Variants in TMEM131L observed in about 807,000 individuals in gnomAD.
TMEM131L encodes the protein transmembrane 131 like, also known as transmembrane protein 131-like.
In TMEM131L, 54 loss-of-function variants were observed where a neutral mutation model predicts 192.2. The observed-to-expected ratio is 0.28, with a 90% CI of 0.23 to 0.35. TMEM131L has a LOEUF of 0.35. TMEM131L is among the 10% of genes least tolerant of loss of function. TMEM131L has a pLI of 1.00. For missense variants in TMEM131L, 1,888 were observed against 1,972.9 expected, an observed-to-expected ratio of 0.96 and a Z score of 0.82; for synonymous variants, 701 against 704.9, an observed-to-expected ratio of 0.99 and a Z score of 0.09.
intron 3 of TMEM131L, among the ~76,000 whole-genome samples, chr4:153,532,328 A>G (rs1057332654): frequency 6.6e-5 from 10 of 151,770 alleles, no homozygotes; most frequent in Non-Finnish European, 1.5e-4. Context: ...TTGTATGGGT[A>G]CATGTGTGAG....
rs557397469 is a variant in TMEM131L at position 153,555,727 on chromosome 4, T to C, written c.309-60T>C. 7.1e-7 allele frequency: 1 copy of C among 1,407,528 alleles called. No homozygotes were observed. The highest frequency in any genetic ancestry group is 1.4e-5 in the African/African-American group (1 of 70,174). The allele number at this position is 1,407,528 out of a possible 1,614,324, so 87.2% of individuals were successfully genotyped here. ...GTATATATATAATAATACATATATA[T>C]GTATGGTAATATTTATAACCACACA... On this transcript the variant is annotated intron_variant, in intron 4 of 34. Coordinates refer to ENST00000409959, the MANE Select transcript of TMEM131L (RefSeq NM_001131007.2). The surrounding 1 kb of genome is among the most constrained non-coding windows in gnomAD (Gnocchi z 4.1).
At chr4:153,544,793 C>T (rs1485978597) in intron 3 of TMEM131L, among the ~76,000 whole-genome samples, 2 of 152,152 alleles carry the variant, frequency 1.3e-5, no homozygotes, top group Admixed American at 6.5e-5. Flanking sequence ...GGGTTTTGAT[C>T]GTGGGCATAT....
intron 4 of TMEM131L, 62 bp downstream of exon 4, chr4:153,550,203 T>G (rs763193069): frequency 5.6e-5 from 38 of 673,116 alleles, no homozygotes; most frequent in Non-Finnish European, 8.7e-5. Context: ...TTCAGAATTT[T>G]TTTTACATAT....
In TMEM131L at chr4:153,543,448, A is replaced by G. The variant is rs529512437; in HGVS notation, c.240-6625A>G. Among the ~76,000 whole-genome samples the G allele has an allele frequency of 2.6e-5, 4 of 152,336 alleles. No homozygotes were observed. In the Middle Eastern group the frequency reaches 0.014, roughly 518 times the overall value. On this transcript the variant is annotated intron_variant, in intron 3 of 34. Coordinates refer to ENST00000409959, the MANE Select transcript of TMEM131L (RefSeq NM_001131007.2). ...GTGTAACTCATTTAATAAATTGTGCAGCTTAGGCCATTTGTTTTTCAAGGA... is the reference window on the plus strand; with the variant it reads ...GTGTAACTCATTTAATAAATTGTGCGGCTTAGGCCATTTGTTTTTCAAGGA...
At chr4:153,598,516 A>C in intron 20 of TMEM131L, 74 bp from the exon 21 acceptor site, 2 of 1,213,576 alleles carry the variant, frequency 1.6e-6, no homozygotes, top group Non-Finnish European at 1.2e-6. Flanking sequence ...ATAACTGGGA[A>C]TATTTAAATT....
intron 26 of TMEM131L, among the ~76,000 whole-genome samples, chr4:153,617,209 T>A (rs1733033919): frequency 6.6e-6 from 1 of 152,200 alleles, no homozygotes; most frequent in Non-Finnish European, 1.5e-5. Context: ...CTCCCTTCTC[T>A]TGTCTGCTGC....
At chr4:153,566,144 T>A (rs1341046457) in intron 7 of TMEM131L, among the ~76,000 whole-genome samples, 1 of 152,020 alleles carries the variant, frequency 6.6e-6, no homozygotes, top group African/African-American at 2.4e-5. Context: ...AAACTTTTTT[T>A]TTTTTTTTGA....
chr4:153,575,576 C>T (rs1729877659), intron 7 of TMEM131L, among the ~76,000 whole-genome samples: 1 of 151,950 alleles, frequency 6.6e-6, no homozygotes, highest in South Asian at 2.1e-4. Flanking sequence ...TCTCTTAACC[C>T]CTCCAAGCCA....
In TMEM131L at chr4:153,555,646, G is replaced by A. The variant is rs766634268; in HGVS notation, c.309-141G>A. ...TGAATGCTTTATTACCAACACGATT[G>A]GATAATTTAACTTTGTGATGAACAG... On this transcript the variant is annotated intron_variant, in intron 4 of 34. Coordinates refer to ENST00000409959, the MANE Select transcript of TMEM131L (RefSeq NM_001131007.2). The surrounding 1 kb of genome is among the most constrained non-coding windows in gnomAD (Gnocchi z 4.1). 13 of 637,054 alleles carry A rather than the reference G, an allele frequency of 2.0e-5. No homozygotes were observed. The highest frequency in any genetic ancestry group is 6.1e-5 in the South Asian group (2 of 32,598). The allele number at this position is 637,054 out of a possible 1,614,324, so 39.5% of individuals were successfully genotyped here.
chr4:153,482,013 A>G (rs1731979859), intron 3 of TMEM131L, among the ~76,000 whole-genome samples: 1 of 151,840 alleles, frequency 6.6e-6, no homozygotes, highest in Non-Finnish European at 1.5e-5. Context: ...CGCCCAGCTA[A>G]TTTTTGTATT....
chr4:153,501,487 A>G (rs930375491), intron 3 of TMEM131L, among the ~76,000 whole-genome samples: 24 of 152,304 alleles, frequency 1.6e-4, no homozygotes, highest in African/African-American at 5.3e-4. Flanking sequence ...GGTATGGGCC[A>G]CTGTGCCCAG....
At chr4:153,483,214 G>A (rs1165715672) in intron 3 of TMEM131L, among the ~76,000 whole-genome samples, 2 of 152,224 alleles carry the variant, frequency 1.3e-5, no homozygotes, top group African/African-American at 4.8e-5. Context: ...TTTTAGACTA[G>A]AGATTGCCTT....
At chr4:153,562,404 T>A (rs1728907791) in intron 7 of TMEM131L, among the ~76,000 whole-genome samples, 1 of 152,180 alleles carries the variant, frequency 6.6e-6, no homozygotes, top group African/African-American at 2.4e-5. Flanking sequence ...AAGAAATAAT[T>A]GTGGCATTCC....
intron 9 of TMEM131L, among the ~76,000 whole-genome samples, chr4:153,582,882 G>A (rs566919756): frequency 6.6e-6 from 1 of 152,218 alleles, no homozygotes; most frequent in South Asian, 2.1e-4. Flanking sequence ...CGTCCAGTTG[G>A]TTAGTTTCAT....
At chr4:153,514,995 G>A (rs1284713293) in intron 3 of TMEM131L, among the ~76,000 whole-genome samples, 2 of 151,744 alleles carry the variant, frequency 1.3e-5, no homozygotes, top group South Asian at 2.1e-4. Flanking sequence ...ATTTTTAGTA[G>A]AGACAGGGGT....
intron 4 of TMEM131L, among the ~76,000 whole-genome samples, chr4:153,551,118 C>G (rs138405280): frequency 6.6e-6 from 1 of 152,170 alleles, no homozygotes. Context: ...TTAGTAGTTT[C>G]AAGAGCGAGA....
chr4:153,586,603 A>G (rs1052870754), intron 14 of TMEM131L, among the ~76,000 whole-genome samples: 2 of 152,212 alleles, frequency 1.3e-5, no homozygotes, highest in African/African-American at 4.8e-5. Flanking sequence ...AAGTTCTTGA[A>G]TGAAATAAGG....
intron 20 of TMEM131L, 139 bp downstream of exon 20, chr4:153,596,524 G>C (rs766345879): frequency 3.8e-6 from 4 of 1,042,714 alleles, no homozygotes; most frequent in Non-Finnish European, 5.5e-6. Flanking sequence ...AGAAGTGGAA[G>C]CTGAGAAAGA....
At chr4:153,602,478 A>G (rs1731910058) in intron 22 of TMEM131L, 64 bp from the exon 23 acceptor site, 1 of 1,564,988 alleles carries the variant, frequency 6.4e-7, no homozygotes, top group Non-Finnish European at 8.8e-7. Context: ...TGTTGTCATT[A>G]TTTTGCCTTG....
Sources: allele counts gnomAD v4.1 joint callset (sites outside exome capture counted in the v4.1 genomes callset), GRCh38; gene constraint gnomAD v4.1.1; non-coding constraint Gnocchi (gnomAD v3.1); transcripts MANE v1.5; gene names NCBI Gene and HGNC (gene_info 2026-07-23, HGNC 2026-07-21).